Variants in RABGEF1 observed in about 807,000 individuals in gnomAD.
The protein encoded by RABGEF1 is rab5 GDP/GTP exchange factor.
Under a neutral mutation model 57.3 loss-of-function variants are expected in RABGEF1, and 26 were observed. The observed-to-expected ratio is 0.45, with a 90% CI of 0.33 to 0.63. RABGEF1 has a LOEUF of 0.63. Among genes scored for constraint, RABGEF1 ranks in the 20% least tolerant of loss-of-function variants. The pLI, the probability that RABGEF1 is intolerant of heterozygous loss-of-function variation, is 0.02. For synonymous variants in RABGEF1, 185 were observed against 210.7 expected, an observed-to-expected ratio of 0.88 and a Z score of 1.06; for missense variants, 464 against 607.6, an observed-to-expected ratio of 0.76 and a Z score of 2.48.
chr7:66,745,715 G>A (rs1305902440), intron 1 of RABGEF1, among the ~76,000 whole-genome samples: 1 of 150,988 alleles, frequency 6.6e-6, no homozygotes, highest in African/African-American at 2.4e-5. Flanking sequence ...ATTGCAATGA[G>A]CCGAGATTGT....
At chr7:66,754,667 A>G (rs1206605084) in intron 1 of RABGEF1, among the ~76,000 whole-genome samples, 1 of 152,146 alleles carries the variant, frequency 6.6e-6, no homozygotes, top group African/African-American at 2.4e-5. Flanking sequence ...GATACAAAAG[A>G]CTTCTTAAAA....
intron 1 of RABGEF1, chr7:66,682,275 C>G (rs1388470058): frequency 6.2e-6 from 1 of 161,884 alleles, no homozygotes; most frequent in Non-Finnish European, 1.5e-5. Flanking sequence ...AGTGGACGGA[C>G]TGGGGCTAAG....
chr7:66,694,072 G>A (rs1450004319), intron 1 of RABGEF1, among the ~76,000 whole-genome samples: 6 of 152,198 alleles, frequency 3.9e-5, no homozygotes, highest in African/African-American at 9.6e-5. Flanking sequence ...GCCTCCCACA[G>A]TGCTGGGATT....
upstream of RABGEF1, chr7:66,740,198 C>T (rs1011504826): frequency 6.5e-6 from 1 of 152,818 alleles, no homozygotes; most frequent in Non-Finnish European, 1.5e-5. Context: ...GTCTCGAACT[C>T]CTGGACTCAA....
the RABGEF1 span, among the ~76,000 whole-genome samples, chr7:66,656,326 A>T: frequency 1.6e-3 from 238 of 152,254 alleles, no homozygotes; most frequent in African/African-American, 5.5e-3. Context: ...TGTGTTGCCC[A>T]GGCTGGTCTC....
intron 8 of RABGEF1, chr7:66,808,157 C>A (rs992569617): frequency 2.6e-5 from 4 of 151,938 alleles, no homozygotes; most frequent in Non-Finnish European, 5.9e-5. Context: ...CGGTCACTCA[C>A]TGTTGTTGTT....
chr7:66,792,419 C>CAGCAGT (rs1812929394), intron 4 of RABGEF1, among the ~76,000 whole-genome samples: 1 of 152,176 alleles, frequency 6.6e-6, no homozygotes, highest in Admixed American at 6.5e-5. Flanking sequence ...CAGTTTCTTA[C>CAGCAGT]AGCAGTAGCA....
intron 7 of RABGEF1, among the ~76,000 whole-genome samples, chr7:66,800,402 C>T (rs1379401446): frequency 2.0e-5 from 3 of 152,156 alleles, no homozygotes; most frequent in Non-Finnish European, 2.9e-5. Flanking sequence ...TCCACTTTCT[C>T]GGGTTCTGCT....
chr7:66,662,714 T>A, the RABGEF1 span, among the ~76,000 whole-genome samples: 1 of 150,326 alleles, frequency 6.7e-6, no homozygotes, highest in East Asian at 1.9e-4. Context: ...TTTGAGTGTG[T>A]AGGCGTGTGT....
Position 66,808,952 on chromosome 7 carries a change from G to T in RABGEF1, c.1144G>T (p.Asp382Tyr). 6.2e-7 allele frequency: 1 copy of T among 1,613,706 alleles called. No homozygotes were observed. The highest frequency in any genetic ancestry group is 8.5e-7 in the Non-Finnish European group (1 of 1,179,676). ...TTTGAATCTAAGTCAGGAGGATTTT[G>T]ATCGCTACATGTCTGGCCAGACCTC... ...QSLNLSQEDF[D>Y]RYMSGQTSPR... is the part of the protein sequence containing the mutation. The change falls in exon 9 of 9, where the codon GAT (aspartate) becomes TAT (tyrosine). Residue 382 changes from aspartate (D) to tyrosine (Y), a missense_variant. Transcript: ENST00000284957.
intron 5 of RABGEF1, 51 bp from the exon 6 acceptor site, chr7:66,797,323 A>AG (rs1562873523): frequency 6.9e-7 from 1 of 1,452,758 alleles, no homozygotes; most frequent in South Asian, 1.3e-5. Flanking sequence ...AAAAAAAAAG[A>AG]GAGAGAAAAA....
At chr7:66,771,834 T>G in intron 1 of RABGEF1, 49 bp from the exon 2 acceptor site, 1 of 1,298,394 alleles carries the variant, frequency 7.7e-7, no homozygotes, top group South Asian at 2.1e-5. Flanking sequence ...TAAGATTTTA[T>G]TTAGTAGAAT....
intron 1 of RABGEF1, among the ~76,000 whole-genome samples, chr7:66,754,067 A>G (rs1301100153): frequency 6.8e-5 from 10 of 146,938 alleles, no homozygotes; most frequent in East Asian, 2.1e-4. Flanking sequence ...CTGTGGCGCA[A>G]TCTTGGCTTA....
chr7:66,771,947 T>C lies in RABGEF1; in HGVS notation c.48T>C (p.Asp16=), dbSNP rs998718611. The part of the protein sequence containing the change: ...ERRGIHVDQS[D]LLCKKGCGYY... Reference sequence around the variant, plus strand: ...GAGGAATTCATGTGGATCAATCGGATCTCCTGTGCAAGAAAGGATGTGGTT... The same window carrying C: ...GAGGAATTCATGTGGATCAATCGGACCTCCTGTGCAAGAAAGGATGTGGTT... The change falls in exon 2 of 9, where the codon GAT becomes GAC. Residue 16 remains aspartate, a synonymous_variant. Transcript: ENST00000284957. 14 of 1,585,572 alleles carry C rather than the reference T, an allele frequency of 8.8e-6. No individual in the cohort carries two copies. The highest frequency in any genetic ancestry group is 2.4e-5 in the East Asian group (1 of 42,322).
chr7:66,770,782 C>A (rs1372357246), intron 1 of RABGEF1, among the ~76,000 whole-genome samples: 2 of 152,148 alleles, frequency 1.3e-5, no homozygotes, highest in Non-Finnish European at 2.9e-5. Flanking sequence ...TTATGCCCAG[C>A]CTGGGTTTGT....
chr7:66,706,003 C>T (rs1199942411), intron 1 of RABGEF1, among the ~76,000 whole-genome samples: 7 of 147,944 alleles, frequency 4.7e-5, no homozygotes, highest in African/African-American at 1.5e-4. Context: ...CCCGGGTTCA[C>T]GCCATTCTCC....
At chr7:66,732,331 G>T (rs1275071953) in intron 2 of RABGEF1, among the ~76,000 whole-genome samples, 1 of 152,214 alleles carries the variant, frequency 6.6e-6, no homozygotes, top group East Asian at 1.9e-4. Flanking sequence ...CTGGGGCCAG[G>T]GTTGGGCTCA....
At chr7:66,792,324 C>T (rs1293770222) in intron 4 of RABGEF1, among the ~76,000 whole-genome samples, 2 of 152,166 alleles carry the variant, frequency 1.3e-5, no homozygotes. Context: ...TGAGAGTTAC[C>T]TTATTTGCAG....
intron 1 of RABGEF1, among the ~76,000 whole-genome samples, chr7:66,765,592 G>A (rs756398178): frequency 1.3e-5 from 2 of 152,178 alleles, no homozygotes; most frequent in Non-Finnish European, 2.9e-5. Context: ...CATTCAGGAC[G>A]TACAGGACCT....
Sources: gnomAD v4.1 joint callset for allele counts (sites outside exome capture counted in the v4.1 genomes callset) on GRCh38, gnomAD v4.1.1 for gene constraint, MANE v1.5 for transcripts, NCBI Gene and HGNC (gene_info 2026-07-23, HGNC 2026-07-21) for gene names.